Variants in SYCE2 observed in about 807,000 individuals in gnomAD.
SYCE2 encodes the protein synaptonemal complex central element protein 2.
SYCE2 carries 3 observed loss-of-function variants against 27.9 expected under a neutral mutation model. The observed-to-expected ratio is 0.11, with a 90% confidence interval of 0.05 to 0.28. The LOEUF (loss-of-function observed/expected upper bound fraction) is 0.28, where lower values mean the gene tolerates loss of function less well. Among genes scored for constraint, SYCE2 ranks in the 10% least tolerant of loss-of-function variants. The pLI, the probability that SYCE2 is intolerant of heterozygous loss-of-function variation, is 1.00. For missense variants in SYCE2, 207 were observed against 263.5 expected, an observed-to-expected ratio of 0.79 and a Z score of 1.48; for synonymous variants, 85 against 100.7, an observed-to-expected ratio of 0.84 and a Z score of 0.93.
At chr19:12,919,146 C>T in intron 1 of SYCE2, 97 bp downstream of exon 1, 3 of 1,534,272 alleles carry the variant, frequency 2.0e-6, no homozygotes, top group Non-Finnish European at 2.7e-6. Context: ...GGACAAGCGG[C>T]CGGGCTCGGG....
At chr19:12,909,033 T>A (rs1970996108) in intron 2 of SYCE2, among the ~76,000 whole-genome samples, 1 of 152,184 alleles carries the variant, frequency 6.6e-6, no homozygotes, top group Admixed American at 6.6e-5. Flanking sequence ...CTTTCCCACC[T>A]ACGTCCTGTC....
intron 2 of SYCE2, among the ~76,000 whole-genome samples, chr19:12,907,833 C>T (rs894477394): frequency 1.3e-5 from 2 of 151,822 alleles, no homozygotes; most frequent in African/African-American, 4.8e-5. Flanking sequence ...GCTATCTCAA[C>T]CAGGCACAGT....
At chr19:12,901,062 G>A (rs1568432668) in intron 3 of SYCE2, among the ~76,000 whole-genome samples, 1 of 152,078 alleles carries the variant, frequency 6.6e-6, no homozygotes, top group Non-Finnish European at 1.5e-5. Context: ...CCAGCTACTT[G>A]GGAGGCTGAG....
chr19:12,899,775 G>T, intron 5 of SYCE2: 2 of 1,604,616 alleles, frequency 1.2e-6, no homozygotes, highest in Non-Finnish European at 1.7e-6. Flanking sequence ...CCATGGATGA[G>T]AGCAGACTCC....
intron 2 of SYCE2, among the ~76,000 whole-genome samples, chr19:12,910,953 A>G (rs1310742949): frequency 1.3e-5 from 2 of 152,114 alleles, no homozygotes; most frequent in Admixed American, 1.3e-4. Context: ...CTGGGATTAC[A>G]GGCGTGAGCC....
At position 12,904,495 on chromosome 19, in the gene SYCE2, G is replaced by C. The variant is rs1484759120; in HGVS notation, c.303C>G (p.Thr101=). 6.2e-7 allele frequency: 1 copy of C among 1,613,982 alleles called. No homozygotes were observed. Among genetic ancestry groups the C allele is most frequent in the Non-Finnish European group, 8.5e-7 (1 of 1,179,958 alleles). The change falls in exon 3 of 6, where the codon ACC becomes ACG. Residue 101 remains threonine (T), a synonymous_variant. Transcript: ENST00000293695. ...CTCGCTGGGTGGAGTCTGTCACCTT[G>C]GTCTTCAGGCTGTTCCTGAAGTTGG... ...LMTNFRNSLK[T]KVSDLTEKLE...
intron 1 of SYCE2, 66 bp from the exon 2 acceptor site, chr19:12,918,403 C>T (rs1285690211): frequency 2.3e-5 from 33 of 1,463,402 alleles, no homozygotes; most frequent in Non-Finnish European, 2.8e-5. Context: ...GCCCTCCTGC[C>T]GACCCTTCAA....
chr19:12,900,051 G>A lies in SYCE2; in HGVS notation c.565C>T (p.Gln189Ter). The A allele has an allele frequency of 6.2e-7, 1 of 1,613,728 alleles. No homozygotes were observed. The highest frequency in any genetic ancestry group is 8.5e-7 in the Non-Finnish European group (1 of 1,179,982). The change falls in exon 5 of 6, where the codon CAG becomes TAG. Residue 189 changes from glutamine to a stop codon, truncating the protein, a stop_gained. Transcript: ENST00000293695. LOFTEE classifies it low-confidence loss of function (END_TRUNC). ...GKSPPRPGNS[Q>*]PPDVFVSSVA... is the part of the protein sequence containing the mutation. Reference sequence around the variant, plus strand: ...GAAGAAACGAACACGTCTGGGGGCTGTGAGTTGCCGGGACGTGGTGGGGAC... The same window carrying A: ...GAAGAAACGAACACGTCTGGGGGCTATGAGTTGCCGGGACGTGGTGGGGAC...
chr19:12,904,079 C>A (rs1183274679), intron 3 of SYCE2, among the ~76,000 whole-genome samples: 1 of 152,160 alleles, frequency 6.6e-6, no homozygotes, highest in Non-Finnish European at 1.5e-5. Flanking sequence ...TGCCTCAACC[C>A]CCTACTCCCG....
intron 3 of SYCE2, 49 bp from the exon 4 acceptor site, chr19:12,900,697 C>T (rs1970816733): frequency 1.3e-6 from 2 of 1,534,152 alleles, no homozygotes; most frequent in Non-Finnish European, 8.9e-7. Context: ...AGAGGTATCA[C>T]AAGACATCTG....
At chr19:12,908,234 T>A (rs1970975555) in intron 2 of SYCE2, among the ~76,000 whole-genome samples, 1 of 146,682 alleles carries the variant, frequency 6.8e-6, no homozygotes, top group South Asian at 2.2e-4. Flanking sequence ...TTCCTCCCCA[T>A]CAAGGCCAAG....
In SYCE2 at chr19:12,900,617, C is replaced by T. The variant is rs1161921041; in HGVS notation, c.338G>A (p.Arg113Lys). ...VSDLTEKLEERIYQIYNDHNK... is the reference protein window; with the variant it reads ...VSDLTEKLEEKIYQIYNDHNK... ...GTGGTCATTATAAATCTGATAGATCCTCTCCTCTAATTTCTCTGTCAGATC... is the reference window on the plus strand; with the variant it reads ...GTGGTCATTATAAATCTGATAGATCTTCTCCTCTAATTTCTCTGTCAGATC... Residue 113 changes from arginine (R) to lysine (K), a missense_variant, in exon 4 of 6, where the codon AGG becomes AAG. By Grantham distance (26) the Arg-to-Lys change is conservative (BLOSUM62 2). Coordinates refer to ENST00000293695, the MANE Select transcript of SYCE2 (RefSeq NM_001105578.2). The T allele has an allele frequency of 1.1e-5, 18 of 1,613,830 alleles. 1 individual carries two copies. In the Admixed American group the frequency reaches 2.7e-4, roughly 24 times the overall value.
chr19:12,900,031 A>G lies in SYCE2; in HGVS notation c.585T>C (p.Val195=). ...PGNSQPPDVF[V]SSVAETTSQA... is the part of the protein sequence containing the mutation. Reference sequence around the variant, plus strand: ...GAGAAGTAGTTTCAGCCACAGAAGAAACGAACACGTCTGGGGGCTGTGAGT... The same window carrying G: ...GAGAAGTAGTTTCAGCCACAGAAGAGACGAACACGTCTGGGGGCTGTGAGT... Residue 195 remains valine, a synonymous_variant, in exon 5 of 6, where the codon GTT becomes GTC. Transcript: ENST00000293695. 1 of 1,613,634 alleles carries G rather than the reference A, an allele frequency of 6.2e-7. No individual in the cohort carries two copies. Among genetic ancestry groups the G allele is most frequent in the East Asian group, 2.2e-5 (1 of 44,882 alleles).
chr19:12,904,353 C>T (rs757579175), intron 3 of SYCE2, 139 bp downstream of exon 3: 49 of 980,198 alleles, frequency 5.0e-5, no homozygotes, highest in Non-Finnish European at 7.4e-5. Context: ...GGGACGTAGC[C>T]CCATCATAAG....
intron 2 of SYCE2, among the ~76,000 whole-genome samples, chr19:12,910,615 C>T (rs1279238968): frequency 3.3e-5 from 5 of 151,808 alleles, no homozygotes; most frequent in African/African-American, 7.2e-5. Flanking sequence ...TCAAGTGATC[C>T]GCCTGCTTCG....
At chr19:12,917,816 T>C (rs1379013647) in intron 2 of SYCE2, among the ~76,000 whole-genome samples, 1 of 151,830 alleles carries the variant, frequency 6.6e-6, no homozygotes, top group Non-Finnish European at 1.5e-5. Flanking sequence ...TGTGCCACTA[T>C]GCCCAGCTAA....
At chr19:12,913,073 C>T (rs919839221) in intron 2 of SYCE2, among the ~76,000 whole-genome samples, 1 of 152,204 alleles carries the variant, frequency 6.6e-6, no homozygotes. Context: ...AACCCTGGAC[C>T]GAGGCCAGAG....
intron 1 of SYCE2, 129 bp downstream of exon 1, chr19:12,919,114 G>T: frequency 2.4e-6 from 3 of 1,242,394 alleles, no homozygotes; most frequent in Non-Finnish European, 3.5e-6. Context: ...CAGGCCTGAT[G>T]AGAGGGAGCC....
chr19:12,903,774 T>G (rs1970886785), intron 3 of SYCE2, among the ~76,000 whole-genome samples: 1 of 152,010 alleles, frequency 6.6e-6, no homozygotes, highest in African/African-American at 2.4e-5. Flanking sequence ...ATTTTTTTAT[T>G]TTTAGTAGAG....
Sources: gnomAD v4.1 joint callset for allele counts (sites outside exome capture counted in the v4.1 genomes callset) on GRCh38, gnomAD v4.1.1 for gene constraint, MANE v1.5 for transcripts, NCBI Gene and HGNC (gene_info 2026-07-23, HGNC 2026-07-21) for gene names.